Variants in ICAM2 observed in about 807,000 individuals in gnomAD.
ICAM2 encodes intercellular adhesion molecule 2, also known as ICAM-2.
ICAM2 carries 14 observed loss-of-function variants against 19.1 expected under a neutral mutation model. That is an observed-to-expected ratio of 0.73 (90% CI 0.48 to 1.15). ICAM2 has a LOEUF of 1.15. Among genes scored for constraint, ICAM2 ranks in the 50% most tolerant of loss-of-function variants. The probability of loss-of-function intolerance (pLI) is 0.00; values close to 1 mark genes in which losing one functional copy is unlikely to be tolerated. For missense variants in ICAM2, 311 were observed against 355.4 expected (o/e 0.88, Z 1.00); for synonymous variants, 153 against 152.7 (o/e 1.00, Z -0.01).
At chr17:64,008,674 C>T (rs572932205) in intron 1 of ICAM2, among the ~76,000 whole-genome samples, 9 of 152,236 alleles carry the variant, frequency 5.9e-5, no homozygotes, top group African/African-American at 1.4e-4. Flanking sequence ...CCCGAGCAGG[C>T]GCAAGAAGAG....
intron 1 of ICAM2, among the ~76,000 whole-genome samples, chr17:64,011,335 G>A (rs1314049954): frequency 5.9e-5 from 9 of 152,160 alleles, no homozygotes; most frequent in East Asian, 1.9e-4. Flanking sequence ...AGTGGCACAC[G>A]CCTGTAGTCT....
chr17:64,003,059 G>A (rs1457701285), intron 4 of ICAM2, 134 bp from the exon 5 acceptor site: 3 of 685,802 alleles, frequency 4.4e-6, no homozygotes, highest in South Asian at 3.8e-5. Context: ...AGTCACCCCA[G>A]TTGCAGAGAT....
intron 1 of ICAM2, among the ~76,000 whole-genome samples, chr17:64,018,772 A>G (rs1236602137): frequency 1.7e-5 from 2 of 116,332 alleles, no homozygotes; most frequent in African/African-American, 6.9e-5. Flanking sequence ...CCCAGGCTGG[A>G]GTGCAGTGGC....
chr17:64,007,052 A>C, intron 1 of ICAM2: 7 of 229,602 alleles, frequency 3.0e-5, no homozygotes, highest in Admixed American at 5.4e-5. Flanking sequence ...GGAACCCCAA[A>C]TCCCATGGGA....
chr17:64,006,773 C>CATAGCT, intron 1 of ICAM2, 38 bp from the exon 2 acceptor site: 1 of 1,259,730 alleles, frequency 7.9e-7, no homozygotes, highest in Non-Finnish European at 1.1e-6. Flanking sequence ...GAGCTATGGC[C>CATAGCT]CAGAATCCCT....
chr17:64,006,858 G>T (rs547582736), intron 1 of ICAM2, 123 bp from the exon 2 acceptor site: 3 of 635,414 alleles, frequency 4.7e-6, no homozygotes, highest in South Asian at 1.9e-5. Flanking sequence ...GCACCAGCTC[G>T]TTCTAGGACC....
intron 1 of ICAM2, among the ~76,000 whole-genome samples, chr17:64,008,265 C>A (rs1280010500): frequency 6.6e-6 from 1 of 152,078 alleles, no homozygotes; most frequent in African/African-American, 2.4e-5. Context: ...TCACCCCCAG[C>A]CTGAAGGAAT....
intron 1 of ICAM2, among the ~76,000 whole-genome samples, chr17:64,019,462 C>A (rs1911854980): frequency 1.3e-5 from 2 of 151,844 alleles, no homozygotes; most frequent in Admixed American, 1.3e-4. Context: ...AATAAGAGAA[C>A]AATAAACACA....
chr17:64,014,480 GAAGA>G (rs1378023020), intron 1 of ICAM2, among the ~76,000 whole-genome samples: 96 of 127,910 alleles, frequency 7.5e-4, no homozygotes, highest in African/African-American at 2.0e-3. Context: ...AGGAAGGAAG[GAAGA>G]AAGAAAGAAA....
intron 1 of ICAM2, chr17:64,007,890 TG>T (rs1310452689): frequency 6.6e-6 from 1 of 152,220 alleles, no homozygotes; most frequent in African/African-American, 2.4e-5. Flanking sequence ...AGGACCTTCC[TG>T]GGGGATCGCC....
At chr17:64,014,767 A>AAAAG (rs1226921121) in intron 1 of ICAM2, among the ~76,000 whole-genome samples, 6 of 110,570 alleles carry the variant, frequency 5.4e-5, no homozygotes, top group African/African-American at 1.7e-4. Context: ...GAAAGAAAGA[A>AAAAG]AAAGAAAGAA....
rs575429096 is a variant in ICAM2, at chr17:64,006,562, A to G, written c.61+69T>C. On this transcript the variant is annotated intron_variant, in intron 2 of 4. Coordinates refer to ENST00000579788, the MANE Select transcript of ICAM2 (RefSeq NM_001099789.2). The stretch of plus-strand genomic sequence containing the variant: ...GGACTTCTCTTCCACCTGAAGCCAC[A>G]GGGAACAGGGCACCCCCACCCTCTC... 15 of 1,374,122 alleles carry G rather than the reference A, an allele frequency of 1.1e-5. No individual in the cohort carries two copies. The African/African-American group carries it at 2.0e-4, about 18-fold the overall frequency. 85.1% of individuals were successfully genotyped at this position (1,374,122 alleles called of 1,614,324 possible).
At chr17:64,005,397 A>G (rs543148370) in intron 2 of ICAM2, 24 bp from the exon 3 acceptor site, 324 of 1,605,066 alleles carry the variant, frequency 2.0e-4, no homozygotes, top group Non-Finnish European at 2.5e-4. Context: ...AACACTGGGC[A>G]GTCGTGTCAT....
At chr17:64,012,528 A>G (rs920097460) in intron 1 of ICAM2, among the ~76,000 whole-genome samples, 5 of 152,116 alleles carry the variant, frequency 3.3e-5, no homozygotes, top group Admixed American at 3.3e-4. Context: ...TGAACCCGGG[A>G]GGTGGAGGTT....
intron 3 of ICAM2, chr17:64,004,426 C>T (rs1293562076): frequency 5.7e-6 from 1 of 175,094 alleles, no homozygotes; most frequent in Admixed American, 5.5e-5. Flanking sequence ...GGGTCAGGGC[C>T]ATGGCCACCA....
At chr17:64,016,608 G>A (rs1911727842) in intron 1 of ICAM2, among the ~76,000 whole-genome samples, 4 of 152,240 alleles carry the variant, frequency 2.6e-5, no homozygotes, top group Admixed American at 2.6e-4. Context: ...CTTCTTGCCA[G>A]TGGGCAATTC....
chr17:64,003,393 A>C (rs1910943387), intron 4 of ICAM2: 1 of 535,902 alleles, frequency 1.9e-6, no homozygotes, highest in African/African-American at 1.9e-5. Flanking sequence ...AAGGCCAGGG[A>C]GAGCCGTCAA....
At chr17:64,004,756 G>C (rs183497224) in intron 3 of ICAM2, 1 of 381,804 alleles carries the variant, frequency 2.6e-6, no homozygotes, top group African/African-American at 2.0e-5. Flanking sequence ...CCATGAGATG[G>C]ACAGGCTCAG....
At chr17:64,008,754 G>C (rs960599465) in intron 1 of ICAM2, among the ~76,000 whole-genome samples, 1 of 152,216 alleles carries the variant, frequency 6.6e-6, no homozygotes, top group Non-Finnish European at 1.5e-5. Flanking sequence ...GCCAGAGGAA[G>C]GTTCTGGGGC....
Sources: allele counts gnomAD v4.1 joint callset (sites outside exome capture counted in the v4.1 genomes callset), GRCh38; gene constraint gnomAD v4.1.1; transcripts MANE v1.5; gene names NCBI Gene and HGNC (gene_info 2026-07-23, HGNC 2026-07-21).